The following HNF4G variants were observed in gnomAD, a reference collection of about 807,000 sequenced individuals.
HNF4G encodes the protein hepatocyte nuclear factor 4-gamma.
A neutral mutation model predicts 50.9 loss-of-function variants in HNF4G; 21 were observed. The observed-to-expected ratio is 0.41, with a 90% CI of 0.29 to 0.59. The LOEUF (loss-of-function observed/expected upper bound fraction) is 0.59, where lower values mean the gene tolerates loss of function less well. Ranked by LOEUF, HNF4G falls within the 20% of genes least tolerant of loss-of-function variation. The pLI, the probability that HNF4G is intolerant of heterozygous loss-of-function variation, is 0.26. For synonymous variants in HNF4G, 198 were observed against 185.6 expected (o/e 1.07, Z -0.54); for missense variants, 527 against 559.4 (o/e 0.94, Z 0.58).
intron 1 of HNF4G, among the ~76,000 whole-genome samples, chr8:75,450,742 G>A (rs564613079): frequency 2.0e-5 from 3 of 152,276 alleles, no homozygotes; most frequent in East Asian, 1.9e-4. Context: ...CACTTAATCT[G>A]CAATGCAACA....
At chr8:75,441,360 C>T (rs1811280614) in intron 1 of HNF4G, among the ~76,000 whole-genome samples, 1 of 151,906 alleles carries the variant, frequency 6.6e-6, no homozygotes, top group African/African-American at 2.4e-5. Flanking sequence ...AGTCTCACAC[C>T]TTAGCCTCCT....
At chr8:75,478,207 G>T (rs1440530048) in intron 1 of HNF4G, among the ~76,000 whole-genome samples, 1 of 152,070 alleles carries the variant, frequency 6.6e-6, no homozygotes, top group East Asian at 1.9e-4. Context: ...CCAGCTCCTT[G>T]GTAGGTTGAG....
At chr8:75,429,752 A>G (rs911857098) in intron 1 of HNF4G, among the ~76,000 whole-genome samples, 1 of 152,208 alleles carries the variant, frequency 6.6e-6, no homozygotes, top group Non-Finnish European at 1.5e-5. Flanking sequence ...AGAAGGCTAG[A>G]ATCATAGCAT....
chr8:75,531,549 A>G (rs1806325869), intron 2 of HNF4G, among the ~76,000 whole-genome samples: 1 of 152,130 alleles, frequency 6.6e-6, no homozygotes, highest in Non-Finnish European at 1.5e-5. Context: ...AATTATTTGG[A>G]TGAAATATCC....
At chr8:75,426,704 A>C (rs961876290) in intron 1 of HNF4G, among the ~76,000 whole-genome samples, 1 of 151,148 alleles carries the variant, frequency 6.6e-6, no homozygotes, top group Non-Finnish European at 1.5e-5. Context: ...AGAAGGTGGG[A>C]AGAGGTAATG....
At chr8:75,548,586 C>T (rs1304616241) in intron 3 of HNF4G, among the ~76,000 whole-genome samples, 1 of 151,990 alleles carries the variant, frequency 6.6e-6, no homozygotes, top group Non-Finnish European at 1.5e-5. Context: ...ATTATATTCT[C>T]CTACATTTTA....
chr8:75,469,157 T>G (rs1040911029), intron 1 of HNF4G, among the ~76,000 whole-genome samples: 2 of 151,930 alleles, frequency 1.3e-5, no homozygotes, highest in Non-Finnish European at 2.9e-5. Context: ...TGGAAAATCT[T>G]TTTTTTTGGT....
At chr8:75,529,182 T>G (rs887162738) in intron 2 of HNF4G, among the ~76,000 whole-genome samples, 7 of 151,872 alleles carry the variant, frequency 4.6e-5, no homozygotes, top group African/African-American at 1.7e-4. Flanking sequence ...TCCCAGCTAC[T>G]CTGGAGGCTG....
At chr8:75,490,840 A>G (rs1272005372) in intron 2 of HNF4G, among the ~76,000 whole-genome samples, 5 of 152,228 alleles carry the variant, frequency 3.3e-5, no homozygotes, top group South Asian at 2.1e-4. Flanking sequence ...AACTGAAACC[A>G]TATACTCACA....
At chr8:75,524,411 A>T (rs1193074342) in intron 2 of HNF4G, among the ~76,000 whole-genome samples, 1 of 152,178 alleles carries the variant, frequency 6.6e-6, no homozygotes, top group Non-Finnish European at 1.5e-5. Flanking sequence ...AAGAAATCAC[A>T]TGATCACTCT....
intron 2 of HNF4G, among the ~76,000 whole-genome samples, chr8:75,518,783 G>A (rs1040911826): frequency 8.6e-5 from 13 of 151,910 alleles, no homozygotes; most frequent in African/African-American, 2.7e-4. Flanking sequence ...GTGATGGGAG[G>A]GACTGCCACG....
At chr8:75,455,576 A>G (rs1415065254) in intron 1 of HNF4G, among the ~76,000 whole-genome samples, 3 of 152,188 alleles carry the variant, frequency 2.0e-5, no homozygotes, top group Non-Finnish European at 2.9e-5. Context: ...AACTTAAAGC[A>G]AAATGAAATG....
intron 2 of HNF4G, among the ~76,000 whole-genome samples, chr8:75,529,288 C>CA (rs958353888): frequency 6.7e-6 from 1 of 150,174 alleles, no homozygotes; most frequent in African/African-American, 2.5e-5. Flanking sequence ...GAGGTTCTGT[C>CA]TAAAAAAAAA....
intron 2 of HNF4G, among the ~76,000 whole-genome samples, chr8:75,498,236 T>C (rs576740684): frequency 4.0e-4 from 61 of 152,238 alleles, no homozygotes; most frequent in Non-Finnish European, 7.6e-4. Flanking sequence ...TTGTTTGAAG[T>C]TAACAAGGAA....
At chr8:75,440,333 G>C (rs372775721) in intron 1 of HNF4G, among the ~76,000 whole-genome samples, 2 of 152,084 alleles carry the variant, frequency 1.3e-5, no homozygotes, top group African/African-American at 2.4e-5. Context: ...AGTGGGACTT[G>C]AGCTACTTTA....
At chr8:75,519,522 G>A (rs182825166) in intron 2 of HNF4G, among the ~76,000 whole-genome samples, 125 of 152,188 alleles carry the variant, frequency 8.2e-4, no homozygotes, top group African/African-American at 2.9e-3. Flanking sequence ...AGGTTTAATG[G>A]GCTCACAGTT....
rs147688493 is a variant in HNF4G at position 75,551,362 on chromosome 8, A to G, written c.383-26A>G. The G allele has an allele frequency of 4.4e-4, 592 of 1,352,410 alleles. 4 individuals are homozygous for G. The African/African-American group carries it at 6.8e-3, about 16-fold the overall frequency. 83.8% of individuals were successfully genotyped at this position (1,352,410 alleles called of 1,614,324 possible). A position where few individuals can be genotyped will look rare whatever the true frequency, so the allele number is the denominator to read the frequency against. ...AACATACACTAAAGAGAAGTGCTCA[A>G]TAAATACTGTGTTTTTTCCCCCTAG... On this transcript the variant is annotated intron_variant, in intron 3 of 9. Transcript: ENST00000396423.
intron 9 of HNF4G, among the ~76,000 whole-genome samples, chr8:75,561,654 G>A (rs554440547): frequency 6.6e-6 from 1 of 152,160 alleles, no homozygotes; most frequent in South Asian, 2.1e-4. Flanking sequence ...TTGGCAGTGG[G>A]GTCTGTATTT....
intron 1 of HNF4G, among the ~76,000 whole-genome samples, chr8:75,422,673 A>G (rs1306718966): frequency 2.7e-5 from 4 of 150,166 alleles, no homozygotes; most frequent in Non-Finnish European, 5.9e-5. Flanking sequence ...TCACTCTGTC[A>G]CCCAGGCTGG....
Sources: gnomAD v4.1 joint callset for allele counts (sites outside exome capture counted in the v4.1 genomes callset) on GRCh38, gnomAD v4.1.1 for gene constraint, MANE v1.5 for transcripts, NCBI Gene and HGNC (gene_info 2026-07-23, HGNC 2026-07-21) for gene names.